Variants in ESR1 observed in about 807,000 individuals in gnomAD.
ESR1 encodes the protein estrogen receptor 1.
A neutral mutation model predicts 52.7 loss-of-function variants in ESR1; 12 were observed. That is an observed-to-expected ratio of 0.23 (90% CI 0.15 to 0.37). The LOEUF is 0.37. Among genes scored for constraint, ESR1 ranks in the 10% least tolerant of loss-of-function variants. The pLI, the probability that ESR1 is intolerant of heterozygous loss-of-function variation, is 1.00. For missense variants in ESR1, 584 were observed against 779.7 expected (o/e 0.75, Z 2.99); for synonymous variants, 305 against 316.8 (o/e 0.96, Z 0.39).
intron 5 of ESR1, among the ~76,000 whole-genome samples, chr6:152,029,125 C>A (rs1338276056): frequency 6.6e-6 from 1 of 152,146 alleles, no homozygotes; most frequent in Admixed American, 6.5e-5. Flanking sequence ...GACATCCACA[C>A]CAAAATCCCA....
intron 1 of ESR1, among the ~76,000 whole-genome samples, chr6:151,661,753 T>C (rs1219515735): frequency 6.6e-6 from 1 of 152,180 alleles, no homozygotes; most frequent in Non-Finnish European, 1.5e-5. Flanking sequence ...TCCCATGCTG[T>C]TCTCATGACA....
At chr6:151,798,883 G>A (rs1268456074) in intron 2 of ESR1, among the ~76,000 whole-genome samples, 1 of 152,150 alleles carries the variant, frequency 6.6e-6, no homozygotes, top group Non-Finnish European at 1.5e-5. Flanking sequence ...GATGAGTAAT[G>A]AATGGAAGGT....
Position 152,099,903 on chromosome 6 carries a change from CTG to C in ESR1, c.*940_*941del, listed in dbSNP as rs2050902843. 2.5e-6 allele frequency: 1 copy of C among 398,152 alleles called. No individual in the cohort carries two copies. The allele number at this position is 398,152 out of a possible 1,614,324, so 24.7% of individuals were successfully genotyped here. On this transcript the variant is annotated 3_prime_UTR_variant, in exon 8 of 8. Transcript: ENST00000206249. Reference sequence around the variant, plus strand: ...GCCTTACACAGGGGTGAACTGTTCACTGTGGTGATGCATGATGAGGGTAAATG... The same window carrying C: ...GCCTTACACAGGGGTGAACTGTTCACTGGTGATGCATGATGAGGGTAAATG...
intron 6 of ESR1, among the ~76,000 whole-genome samples, chr6:152,080,152 G>T (rs2049070861): frequency 6.6e-6 from 1 of 152,072 alleles, no homozygotes; most frequent in Non-Finnish European, 1.5e-5. Context: ...ACACTACAAA[G>T]ATACTCCTCA....
chr6:151,857,538 T>C (rs1248518093), intron 2 of ESR1, among the ~76,000 whole-genome samples: 1 of 151,810 alleles, frequency 6.6e-6, no homozygotes, highest in Non-Finnish European at 1.5e-5. Flanking sequence ...TTTTTCTTTT[T>C]TTTAATTCGA....
chr6:152,017,143 TA>T lies in ESR1; in HGVS notation c.1235+5356del, dbSNP rs554443440. On this transcript the variant is annotated intron_variant, in intron 5 of 7. Coordinates refer to ENST00000206249, the MANE Select transcript of ESR1 (RefSeq NM_000125.4). ...AAATGGGGTTTGGTGATTATAAGAG[TA>T]AAAAAACCTGCTGCCATCCCACATT... Among the ~76,000 whole-genome samples the T allele has an allele frequency of 2.0e-4, 30 of 152,198 alleles. No homozygotes were observed. In the East Asian group the frequency reaches 5.0e-3, roughly 25 times the overall value.
chr6:152,114,106 C>A (rs1466365285), intron 6 of ESR1, among the ~76,000 whole-genome samples: 1 of 152,184 alleles, frequency 6.6e-6, no homozygotes, highest in Non-Finnish European at 1.5e-5. Flanking sequence ...CCAAGCCAGG[C>A]TTGGGTGGGC....
At chr6:151,869,237 G>A (rs1204720163) in intron 2 of ESR1, among the ~76,000 whole-genome samples, 1 of 152,130 alleles carries the variant, frequency 6.6e-6, no homozygotes, top group African/African-American at 2.4e-5. Context: ...AGTACAAGTG[G>A]GAGGAAAGCT....
chr6:152,082,599 G>A (rs1027166143), intron 6 of ESR1, among the ~76,000 whole-genome samples: 12 of 152,174 alleles, frequency 7.9e-5, no homozygotes, highest in African/African-American at 2.9e-4. Context: ...CATAGTGTTG[G>A]AAGTTCTGGC....
intron 3 of ESR1, among the ~76,000 whole-genome samples, chr6:151,937,711 C>A (rs781510976): frequency 8.5e-5 from 13 of 152,108 alleles, no homozygotes; most frequent in Non-Finnish European, 1.5e-4. Flanking sequence ...TAATAATAAT[C>A]TATAATTACA....
chr6:151,682,846 G>A (rs780797874), intron 1 of ESR1, among the ~76,000 whole-genome samples: 11 of 152,354 alleles, frequency 7.2e-5, no homozygotes, highest in Admixed American at 1.3e-4. Context: ...CCATGTGGAT[G>A]TTTGTGATGC....
downstream of ESR1, among the ~76,000 whole-genome samples, chr6:152,107,297 T>C (rs1276113649): frequency 1.3e-5 from 2 of 152,224 alleles, no homozygotes; most frequent in African/African-American, 2.4e-5. Context: ...TTTGCCTTTT[T>C]TCCTCTCTGT....
At chr6:151,755,984 G>A (rs1784254839) in intron 2 of ESR1, among the ~76,000 whole-genome samples, 1 of 152,048 alleles carries the variant, frequency 6.6e-6, no homozygotes, top group Non-Finnish European at 1.5e-5. Flanking sequence ...GTAACAGTCA[G>A]ATCTGCATGG....
chr6:151,964,320 C>T (rs912086490), intron 4 of ESR1, among the ~76,000 whole-genome samples: 4 of 151,832 alleles, frequency 2.6e-5, no homozygotes, highest in Non-Finnish European at 5.9e-5. Flanking sequence ...ATACTTTTTT[C>T]ATTTATTTTT....
intron 2 of ESR1, among the ~76,000 whole-genome samples, chr6:151,861,489 G>C (rs1788877642): frequency 6.6e-6 from 1 of 152,242 alleles, no homozygotes; most frequent in South Asian, 2.1e-4. Context: ...CATGAATCAG[G>C]AATCAGAGTA....
intron 2 of ESR1, among the ~76,000 whole-genome samples, chr6:151,738,563 C>T (rs1201472142): frequency 6.6e-6 from 1 of 152,110 alleles, no homozygotes; most frequent in African/African-American, 2.4e-5. Flanking sequence ...GTAGCCCATC[C>T]TAATAGGCAT....
intron 4 of ESR1, among the ~76,000 whole-genome samples, chr6:151,992,373 G>A (rs761952232): frequency 1.1e-4 from 16 of 151,920 alleles, no homozygotes; most frequent in African/African-American, 1.7e-4. Flanking sequence ...CTTTCTACGC[G>A]TTTAACTACT....
chr6:152,054,468 C>G (rs1289413419), intron 5 of ESR1, among the ~76,000 whole-genome samples: 1 of 152,042 alleles, frequency 6.6e-6, no homozygotes, highest in African/African-American at 2.4e-5. Context: ...TTCTCTCCCC[C>G]TCCTCCTACC....
chr6:151,751,360 G>A (rs1334578661), intron 2 of ESR1, among the ~76,000 whole-genome samples: 1 of 152,154 alleles, frequency 6.6e-6, no homozygotes, highest in African/African-American at 2.4e-5. Context: ...TTATTTTAAT[G>A]TTACTACTTC....
Sources: gnomAD v4.1 joint callset for allele counts (sites outside exome capture counted in the v4.1 genomes callset) on GRCh38, gnomAD v4.1.1 for gene constraint, MANE v1.5 for transcripts, NCBI Gene and HGNC (gene_info 2026-07-23, HGNC 2026-07-21) for gene names.